The following NAALADL2 variants were observed in gnomAD, a reference collection of about 807,000 sequenced individuals.
NAALADL2 encodes the protein inactive N-acetylated-alpha-linked acidic dipeptidase-like protein 2.
In NAALADL2, 76 loss-of-function variants were observed where a neutral mutation model predicts 87.2. The observed-to-expected ratio is 0.87, with a 90% confidence interval of 0.72 to 1.05. NAALADL2 has a LOEUF of 1.05. Ranked by LOEUF, NAALADL2 falls within the 50% of genes least tolerant of loss-of-function variation. NAALADL2 has a pLI of 0.00. For synonymous variants in NAALADL2, 354 were observed against 331.0 expected, an observed-to-expected ratio of 1.07 and a Z score of -0.75; for missense variants, 1,089 against 945.8, an observed-to-expected ratio of 1.15 and a Z score of -1.99.
At chr3:175,472,038 G>A (rs985048157) in intron 9 of NAALADL2, among the ~76,000 whole-genome samples, 2 of 151,638 alleles carry the variant, frequency 1.3e-5, no homozygotes, top group South Asian at 4.2e-4. Flanking sequence ...AAAAATATAT[G>A]AATTTAGCTC....
chr3:174,655,600 T>C (rs1266862513), intron 2 of NAALADL2, among the ~76,000 whole-genome samples: 4 of 151,864 alleles, frequency 2.6e-5, no homozygotes, highest in Non-Finnish European at 4.4e-5. Flanking sequence ...TTAGCTGTTA[T>C]GTTTTAATAT....
At chr3:175,340,114 C>T (rs1762420556) in intron 5 of NAALADL2, among the ~76,000 whole-genome samples, 1 of 152,024 alleles carries the variant, frequency 6.6e-6, no homozygotes, top group African/African-American at 2.4e-5. Flanking sequence ...AGGATAGGAA[C>T]CATTTTGGTA....
At chr3:175,047,197 C>T (rs1259198997) in intron 1 of NAALADL2, among the ~76,000 whole-genome samples, 6 of 152,154 alleles carry the variant, frequency 3.9e-5, no homozygotes, top group Non-Finnish European at 8.8e-5. Flanking sequence ...TTTAGAGGGA[C>T]ACAAACATTC....
intron 2 of NAALADL2, among the ~76,000 whole-genome samples, chr3:174,633,924 G>A (rs1231004984): frequency 1.4e-4 from 22 of 152,174 alleles, no homozygotes; most frequent in Admixed American, 1.4e-3. Flanking sequence ...CTACTAACCA[G>A]TAAATTGTAT....
intron 5 of NAALADL2, among the ~76,000 whole-genome samples, chr3:175,349,706 T>C (rs1053639392): frequency 1.2e-4 from 19 of 152,118 alleles, no homozygotes; most frequent in African/African-American, 4.3e-4. Flanking sequence ...TATTTCTCTG[T>C]TTGGGAGAGA....
rs992697118 is a variant in NAALADL2 at position 174,852,226 on chromosome 3, A to G, written c.-9+114480A>G. The stretch of plus-strand genomic sequence containing the variant: ...AGTAGTGGAAGTCCTTGCCAGAACA[A>G]TTAGACAAGAGAAAGAAATAAAGGC... On this transcript the variant is annotated intron_variant, in intron 3 of 3. Transcript: ENST00000434257. Among the ~76,000 whole-genome samples the G allele has an allele frequency of 1.6e-4, 25 of 152,130 alleles. 1 individual carries two copies. The highest frequency in any genetic ancestry group is 1.3e-3 in the Admixed American group (20 of 15,266).
chr3:174,508,807 G>C lies in NAALADL2; in HGVS notation c.-183-41762G>C, dbSNP rs1449477984. Among the ~76,000 whole-genome samples the C allele has an allele frequency of 2.0e-5, 3 of 152,170 alleles. No homozygotes were observed. The East Asian group carries it at 5.8e-4, about 29-fold the overall frequency. ...TCACGCCTGTAATCCTAGCACTTTG[G>C]GAGGCCGAGGTGGACGGATGTCTTT... On this transcript the variant is annotated intron_variant, in intron 1 of 3. Coordinates refer to the NAALADL2 transcript ENST00000434257.
Position 175,337,178 on chromosome 3 carries a change from A to G in NAALADL2, c.1090+12853A>G, listed in dbSNP as rs147595807. 2.0e-5 allele frequency among the ~76,000 whole-genome samples: 3 copies of G among 152,188 alleles called. No homozygotes were observed. In the East Asian group the frequency reaches 5.8e-4, roughly 29 times the overall value. ...CATATTGTCTTATGTAATTACTGATAGCAACCCCTTTTACTCTCAAAAGAG... is the reference window on the plus strand; with the variant it reads ...CATATTGTCTTATGTAATTACTGATGGCAACCCCTTTTACTCTCAAAAGAG... On this transcript the variant is annotated intron_variant, in intron 5 of 13. Coordinates refer to ENST00000454872, the MANE Select transcript of NAALADL2 (RefSeq NM_207015.3).
intron 2 of NAALADL2, among the ~76,000 whole-genome samples, chr3:175,165,433 TA>T (rs945188210): frequency 6.6e-6 from 1 of 151,820 alleles, no homozygotes; most frequent in Admixed American, 6.6e-5. Flanking sequence ...CAGAACAAAC[TA>T]AAAAAATTAA....
intron 3 of NAALADL2, among the ~76,000 whole-genome samples, chr3:174,834,417 A>C (rs1202921777): frequency 6.6e-6 from 1 of 150,836 alleles, no homozygotes; most frequent in Non-Finnish European, 1.5e-5. Flanking sequence ...CTACTCTCTC[A>C]ATTTCTGTCT....
intron 2 of NAALADL2, among the ~76,000 whole-genome samples, chr3:174,681,394 C>G (rs1009513370): frequency 6.6e-6 from 1 of 152,128 alleles, no homozygotes; most frequent in Admixed American, 6.6e-5. Flanking sequence ...AACTCACCCC[C>G]AACCCAAGGC....
At chr3:175,211,048 A>C (rs1374053694) in intron 2 of NAALADL2, among the ~76,000 whole-genome samples, 1 of 151,862 alleles carries the variant, frequency 6.6e-6, no homozygotes, top group East Asian at 1.9e-4. Context: ...ATTAGCTCAG[A>C]GCATTTTTAA....
chr3:175,222,072 A>T (rs373065960), intron 2 of NAALADL2, among the ~76,000 whole-genome samples: 32 of 152,176 alleles, frequency 2.1e-4, no homozygotes, highest in African/African-American at 6.7e-4. Context: ...TGTGAAAAAA[A>T]ATATAGCTGA....
intron 2 of NAALADL2, among the ~76,000 whole-genome samples, chr3:175,216,274 A>T (rs1483972936): frequency 2.0e-5 from 3 of 152,108 alleles, no homozygotes; most frequent in Admixed American, 6.6e-5. Context: ...TTAATATTAA[A>T]ACAAAACCAA....
intron 10 of NAALADL2, among the ~76,000 whole-genome samples, chr3:175,602,984 A>G (rs1289773461): frequency 6.6e-6 from 1 of 152,150 alleles, no homozygotes; most frequent in African/African-American, 2.4e-5. Context: ...GAAATATGTC[A>G]GAGTATGTTA....
chr3:175,315,552 A>T lies in NAALADL2; in HGVS notation c.940-8623A>T, dbSNP rs1483536833. Among the ~76,000 whole-genome samples, 3 of 152,192 alleles carry T rather than the reference A, an allele frequency of 2.0e-5. No individual in the cohort carries two copies. The East Asian group carries it at 5.8e-4, about 29-fold the overall frequency. On this transcript the variant is annotated intron_variant, in intron 4 of 13. Transcript: ENST00000454872. ...CTTTTAGGGTAGAAATATTCCCAAT[A>T]TAAACAGAATATTGAAAGCTGTGTT...
intron 2 of NAALADL2, among the ~76,000 whole-genome samples, chr3:174,636,093 G>A (rs1160897739): frequency 6.6e-6 from 1 of 151,968 alleles, no homozygotes; most frequent in Non-Finnish European, 1.5e-5. Flanking sequence ...ATACTCAAGT[G>A]ACACCCCTCT....
At chr3:175,091,116 T>C (rs1720040636) in intron 1 of NAALADL2, among the ~76,000 whole-genome samples, 1 of 152,128 alleles carries the variant, frequency 6.6e-6, no homozygotes, top group Non-Finnish European at 1.5e-5. Flanking sequence ...TCCACAAACA[T>C]GGACTTTATT....
At chr3:174,818,424 G>T (rs1281665888) in intron 3 of NAALADL2, among the ~76,000 whole-genome samples, 1 of 151,918 alleles carries the variant, frequency 6.6e-6, no homozygotes, top group Non-Finnish European at 1.5e-5. Context: ...CTGTCTTAGG[G>T]CCAGCTGGAA....
Sources: gnomAD v4.1 joint callset for allele counts (sites outside exome capture counted in the v4.1 genomes callset) on GRCh38, gnomAD v4.1.1 for gene constraint, MANE v1.5 for transcripts, NCBI Gene and HGNC (gene_info 2026-07-23, HGNC 2026-07-21) for gene names.